Variants in GRWD1 observed in about 807,000 individuals in gnomAD.
GRWD1 encodes the protein glutamate-rich WD repeat-containing protein 1.
In GRWD1, 29 loss-of-function variants were observed where a neutral mutation model predicts 45.3. The ratio of observed to expected loss-of-function variants is 0.64; its 90% confidence interval spans 0.48 to 0.87. The LOEUF is 0.87. Ranked by LOEUF, GRWD1 falls within the 40% of genes least tolerant of loss-of-function variation. The pLI is 0.00. For missense variants in GRWD1, 592 were observed against 618.8 expected (o/e 0.96, Z 0.46); for synonymous variants, 262 against 257.6 (o/e 1.02, Z -0.16).
In GRWD1 at chr19:48,453,809, C is replaced by G. The variant is rs1971503781; in HGVS notation, c.*784C>G. 1 of 152,304 alleles carries G rather than the reference C, an allele frequency of 6.6e-6. No individual in the cohort carries two copies. The highest frequency in any genetic ancestry group is 1.5e-5 in the Non-Finnish European group (1 of 68,104). The allele number at this position is 152,304 out of a possible 1,614,324, so 9.4% of individuals were successfully genotyped here. A position where few individuals can be genotyped will look rare whatever the true frequency, so the allele number is the denominator to read the frequency against. On this transcript the variant is annotated 3_prime_UTR_variant, in exon 7 of 7. Coordinates refer to ENST00000253237, the MANE Select transcript of GRWD1 (RefSeq NM_031485.4). ...CTCCGTGTGGGGGCTACATGCGACC[C>G]TCTCCCCTCCTCCCTGACTTTAGAG...
intron 2 of GRWD1, 78 bp from the exon 3 acceptor site, chr19:48,446,603 G>A: frequency 1.3e-6 from 2 of 1,553,692 alleles, no homozygotes; most frequent in Non-Finnish European, 1.7e-6. Flanking sequence ...CGCAGATCCA[G>A]GAGTCTGGGT....
At position 48,446,411 on chromosome 19, in the gene GRWD1, G is replaced by A; in HGVS notation, c.214G>A (p.Val72Ile). 6.2e-7 allele frequency: 1 copy of A among 1,614,180 alleles called. No homozygotes were observed. The highest frequency in any genetic ancestry group is 1.6e-4 in the Middle Eastern group (1 of 6,062). Residue 72 changes from valine to isoleucine, a missense_variant, in exon 2 of 7, where the codon GTC becomes ATC. Physicochemically the swap from Val to Ile is conservative, Grantham distance 29 (BLOSUM62 3). Coordinates refer to ENST00000253237, the MANE Select transcript of GRWD1 (RefSeq NM_031485.4). ...TGAPCLSFDIVRDHLGDNRTE... is the reference protein window; with the variant it reads ...TGAPCLSFDIIRDHLGDNRTE... ...CGCCCCCTGTCTCAGCTTTGACATA[G>A]TCCGGGATCACCTGGGAGACAACCG...
chr19:48,446,350 C>A, intron 1 of GRWD1, 35 bp from the exon 2 acceptor site: 1 of 1,596,340 alleles, frequency 6.3e-7, no homozygotes, highest in African/African-American at 1.3e-5. Flanking sequence ...CTTACTGTCC[C>A]GTCTTAACTC....
In GRWD1 at chr19:48,446,177, C is replaced by T. The variant is rs1012431716; in HGVS notation, c.172C>T (p.His58Tyr). 2 of 1,600,668 alleles carry T rather than the reference C, an allele frequency of 1.2e-6. No homozygotes were observed. The highest frequency in any genetic ancestry group is 1.7e-6 in the Non-Finnish European group (2 of 1,176,204). ...VMDEEAYVLY[H>Y]RAQTGAPCLS... ...GGACGAGGAGGCCTATGTGCTCTAC[C>T]ACCGAGCGCAGACTGGTAGGGCTGA... The change falls in exon 1 of 7, where the codon CAC becomes TAC. Residue 58 changes from histidine to tyrosine, a missense_variant. His to Tyr is a moderately conservative substitution (Grantham distance 83). Transcript: ENST00000253237.
intron 3 of GRWD1, among the ~76,000 whole-genome samples, chr19:48,447,269 T>C (rs1629664): frequency 0.8 from 121,248 of 151,220 alleles, 50,078 homozygotes; most frequent in Non-Finnish European, 0.91. Context: ...TTTTTTGAGA[T>C]GAAGTCTTGC....
Position 48,453,351 on chromosome 19 carries a change from T to C in GRWD1, c.*326T>C. 2 of 242,618 alleles carry C rather than the reference T, an allele frequency of 8.2e-6. No individual in the cohort carries two copies. The highest frequency in any genetic ancestry group is 1.6e-5 in the Non-Finnish European group (2 of 125,992). The allele number at this position is 242,618 out of a possible 1,614,324, so 15.0% of individuals were successfully genotyped here. ...CCCAGAACCCAGTTTTTTGTTTGTT[T>C]GTTTGAGACGGAGTCTTGGTCTGTC... On this transcript the variant is annotated 3_prime_UTR_variant, in exon 7 of 7. Transcript: ENST00000253237.
At position 48,446,083 on chromosome 19, in the gene GRWD1, C is replaced by T. The variant is rs1362187820; in HGVS notation, c.78C>T (p.Ser26=). Residue 26 remains serine (S), a synonymous_variant, in exon 1 of 7, where the codon TCC becomes TCT. Transcript: ENST00000253237. Reference sequence around the variant, plus strand: ...AAGCCGAGTCCGGCGACACAAGTTCCGAGGGCCCGGCCCAGGTCTACCTGC... The same window carrying T: ...AAGCCGAGTCCGGCGACACAAGTTCTGAGGGCCCGGCCCAGGTCTACCTGC... ...PMEAESGDTS[S]EGPAQVYLPG... The T allele has an allele frequency of 6.3e-7, 1 of 1,595,958 alleles. No individual in the cohort carries two copies. Among genetic ancestry groups the T allele is most frequent in the Non-Finnish European group, 8.5e-7 (1 of 1,173,146 alleles).
chr19:48,452,603 C>G lies in GRWD1; in HGVS notation c.1024-105C>G. ...TTGTGAGGGCTTAAGGGGTGGGGCC[C>G]TGGCTGAACCCTGAGGCTGGAGAAG... On this transcript the variant is annotated intron_variant, in intron 6 of 6. Transcript: ENST00000253237. The surrounding 1 kb of genome is among the most constrained non-coding windows in gnomAD (Gnocchi z 5.1). The G allele has an allele frequency of 1.0e-6, 1 of 993,512 alleles. No homozygotes were observed. Among genetic ancestry groups the G allele is most frequent in the Non-Finnish European group, 1.5e-6 (1 of 664,930 alleles). 61.5% of individuals were successfully genotyped at this position (993,512 alleles called of 1,614,324 possible). A position where few individuals can be genotyped will look rare whatever the true frequency, so the allele number is the denominator to read the frequency against.
At position 48,446,483 on chromosome 19, in the gene GRWD1, G is replaced by A; in HGVS notation, c.286G>A (p.Glu96Lys). The A allele has an allele frequency of 6.2e-7, 1 of 1,614,130 alleles. No individual in the cohort carries two copies. The highest frequency in any genetic ancestry group is 8.5e-7 in the Non-Finnish European group (1 of 1,179,986). Reference sequence around the variant, plus strand: ...TTACTTGTGTGCTGGGACCCAGGCTGAGAGCGCCCAGAGCAACAGGTAAGA... The same window carrying A: ...TTACTTGTGTGCTGGGACCCAGGCTAAGAGCGCCCAGAGCAACAGGTAAGA... ...TLYLCAGTQA[E>K]SAQSNRLMML... The change falls in exon 2 of 7, where the codon GAG becomes AAG. Residue 96 changes from glutamate to lysine, a missense_variant. By Grantham distance (56) the Glu-to-Lys change is moderately conservative. Transcript: ENST00000253237.
intron 6 of GRWD1, 27 bp downstream of exon 6, chr19:48,451,258 G>T (rs1370193035): frequency 2.6e-6 from 4 of 1,530,964 alleles, no homozygotes; most frequent in Non-Finnish European, 2.6e-6. Flanking sequence ...ACACCTGGGG[G>T]CTAGAGAAGC....
chr19:48,456,468 T>A lies in GRWD1; in HGVS notation c.*3443T>A, dbSNP rs533790388. ...TCCCCTCACCTCAGCCTTGCCTCTG[T>A]CAAGTGGGCCTAATGAACCCTCGCG... On this transcript the variant is annotated 3_prime_UTR_variant, in exon 7 of 7. Coordinates refer to ENST00000253237, the MANE Select transcript of GRWD1 (RefSeq NM_031485.4). 6.6e-6 allele frequency: 1 copy of A among 152,372 alleles called. No individual in the cohort carries two copies. The highest frequency in any genetic ancestry group is 1.5e-5 in the Non-Finnish European group (1 of 68,058). The allele number at this position is 152,372 out of a possible 1,614,324, so 9.4% of individuals were successfully genotyped here.
chr19:48,448,978 A>G (rs1181256971), intron 3 of GRWD1, among the ~76,000 whole-genome samples: 1 of 152,186 alleles, frequency 6.6e-6, no homozygotes, highest in South Asian at 2.1e-4. Flanking sequence ...TATCAATTGC[A>G]GAGAGGTAAG....
In GRWD1 at chr19:48,452,172, T is replaced by C. The variant is rs1306886316; in HGVS notation, c.1024-536T>C. Among the ~76,000 whole-genome samples, 1 of 151,384 alleles carries C rather than the reference T, an allele frequency of 6.6e-6. No individual in the cohort carries two copies. The highest frequency in any genetic ancestry group is 6.6e-5 in the Admixed American group (1 of 15,144). ...TGGAGTGCAGTGGCGCAATCTCGGC[T>C]CACTGCAACCTCCCGCTCCTGGGTT... On this transcript the variant is annotated intron_variant, in intron 6 of 6. Coordinates refer to ENST00000253237, the MANE Select transcript of GRWD1 (RefSeq NM_031485.4). This position sits in a 1 kb window ranked among gnomAD's most constrained non-coding sequence, Gnocchi z 5.1.
Position 48,456,469 on chromosome 19 carries a change from CAAGTGGGCCT to C in GRWD1, c.*3447_*3456del, listed in dbSNP as rs1971540474. 6.6e-6 allele frequency: 1 copy of C among 152,272 alleles called. No homozygotes were observed. The highest frequency in any genetic ancestry group is 6.5e-5 in the Admixed American group (1 of 15,288). 9.4% of individuals were successfully genotyped at this position (152,272 alleles called of 1,614,324 possible). A position where few individuals can be genotyped will look rare whatever the true frequency, so the allele number is the denominator to read the frequency against. ...CCCCTCACCTCAGCCTTGCCTCTGT[CAAGTGGGCCT>C]AATGAACCCTCGCGAATGGCCAGGC... On this transcript the variant is annotated 3_prime_UTR_variant, in exon 7 of 7. Transcript: ENST00000253237.
chr19:48,446,439 C>T lies in GRWD1; in HGVS notation c.242C>T (p.Thr81Ile). 6.2e-7 allele frequency: 1 copy of T among 1,614,204 alleles called. No individual in the cohort carries two copies. Among genetic ancestry groups the T allele is most frequent in the Non-Finnish European group, 8.5e-7 (1 of 1,180,044 alleles). ...CGGGATCACCTGGGAGACAACCGGA[C>T]AGAGCTTCCTCTTACACTTTACTTG... ...IVRDHLGDNR[T>I]ELPLTLYLCA... Residue 81 changes from threonine (T) to isoleucine (I), a missense_variant, in exon 2 of 7, where the codon ACA (threonine) becomes ATA (isoleucine). Coordinates refer to ENST00000253237, the MANE Select transcript of GRWD1 (RefSeq NM_031485.4).
rs760008172 is a variant in GRWD1, at chr19:48,446,766, G to A, written c.391G>A (p.Glu131Lys). The A allele has an allele frequency of 6.2e-7, 1 of 1,614,176 alleles. No individual in the cohort carries two copies. The highest frequency in any genetic ancestry group is 8.5e-7 in the Non-Finnish European group (1 of 1,180,018). Residue 131 changes from glutamate (E) to lysine (K), a missense_variant, in exon 3 of 7, where the codon GAA becomes AAA. Physicochemically the swap from Glu to Lys is moderately conservative, Grantham distance 56 (BLOSUM62 1). Transcript: ENST00000253237. ...TGATGAAGAAGAAGAGGAGGAAGAT[G>A]AAGAGGATGAAGAAGAGCGGAAACC... ...GSDEEEEEED[E>K]EDEEERKPQL...
At chr19:48,447,742 G>A (rs1292495263) in intron 3 of GRWD1, among the ~76,000 whole-genome samples, 1 of 152,188 alleles carries the variant, frequency 6.6e-6, no homozygotes, top group East Asian at 1.9e-4. Flanking sequence ...ATTATGATCA[G>A]TGTCATTACA....
At position 48,453,877 on chromosome 19, in the gene GRWD1, A is replaced by C. The variant is rs2147487961; in HGVS notation, c.*852A>C. On this transcript the variant is annotated 3_prime_UTR_variant, in exon 7 of 7. Coordinates refer to ENST00000253237, the MANE Select transcript of GRWD1 (RefSeq NM_031485.4). Reference sequence around the variant, plus strand: ...AGGAAGGTCAGGGCTCCTGAGCAGCAATAAAGGACCAGGAAGAGGCCTGAG... The same window carrying C: ...AGGAAGGTCAGGGCTCCTGAGCAGCCATAAAGGACCAGGAAGAGGCCTGAG... 1 of 152,358 alleles carries C rather than the reference A, an allele frequency of 6.6e-6. No individual in the cohort carries two copies. Among genetic ancestry groups the C allele is most frequent in the South Asian group, 2.1e-4 (1 of 4,832 alleles). 9.4% of individuals were successfully genotyped at this position (152,358 alleles called of 1,614,324 possible).
At position 48,450,920 on chromosome 19, in the gene GRWD1, C is replaced by G. The variant is rs1450557347; in HGVS notation, c.825+112C>G. ...TGGGAGCCTGACGGAGGTTTAGTTT[C>G]CAGGCCAAGTCATAGTAAGGGGAAC... On this transcript the variant is annotated intron_variant, in intron 5 of 6. Transcript: ENST00000253237. The surrounding 1 kb of genome is among the most constrained non-coding windows in gnomAD (Gnocchi z 5.1). 6.7e-7 allele frequency: 1 copy of G among 1,503,666 alleles called. No individual in the cohort carries two copies. Among genetic ancestry groups the G allele is most frequent in the African/African-American group, 1.4e-5 (1 of 72,088 alleles). 93.1% of individuals were successfully genotyped at this position (1,503,666 alleles called of 1,614,324 possible).
Sources: allele counts gnomAD v4.1 joint callset (sites outside exome capture counted in the v4.1 genomes callset), GRCh38; gene constraint gnomAD v4.1.1; non-coding constraint Gnocchi (gnomAD v3.1); transcripts MANE v1.5; gene names NCBI Gene and HGNC (gene_info 2026-07-23, HGNC 2026-07-21).